The following RNF11 variants were observed in gnomAD, a reference collection of about 807,000 sequenced individuals.
RNF11 encodes the protein ring finger protein 11.
A neutral mutation model predicts 15.8 loss-of-function variants in RNF11; 4 were observed. The ratio of observed to expected loss-of-function variants is 0.25; its 90% CI spans 0.12 to 0.58. The LOEUF (loss-of-function observed/expected upper bound fraction) is 0.58, where lower values mean the gene tolerates loss of function less well. Among genes scored for constraint, RNF11 ranks in the 20% least tolerant of loss-of-function variants. The probability of loss-of-function intolerance (pLI) is 0.91; values close to 1 mark genes in which losing one functional copy is unlikely to be tolerated. For missense variants in RNF11, 139 were observed against 194.4 expected (o/e 0.71, Z 1.70); for synonymous variants, 68 against 72.3 (o/e 0.94, Z 0.30).
intron 1 of RNF11, among the ~76,000 whole-genome samples, chr1:51,241,337 G>T (rs908446660): frequency 6.6e-6 from 1 of 152,184 alleles, no homozygotes; most frequent in Admixed American, 6.5e-5. Flanking sequence ...ATTCACAGGT[G>T]CAATTATAGT....
At chr1:51,254,750 A>C (rs1275705598) in intron 1 of RNF11, among the ~76,000 whole-genome samples, 1 of 152,164 alleles carries the variant, frequency 6.6e-6, no homozygotes, top group African/African-American at 2.4e-5. Context: ...GGTATAAGCC[A>C]CTGCACCCGG....
At chr1:51,260,905 A>G (rs186742315) in intron 1 of RNF11, among the ~76,000 whole-genome samples, 151 of 152,320 alleles carry the variant, frequency 9.9e-4, no homozygotes, top group African/African-American at 3.3e-3. Context: ...TAGGTACTTT[A>G]TATTTTTTTA....
chr1:51,256,634 T>C lies in RNF11; in HGVS notation c.124-13322T>C, dbSNP rs78551979. Among the ~76,000 whole-genome samples the C allele has an allele frequency of 8.8e-3, 1,344 of 152,280 alleles. 14 individuals are homozygous for C. The highest frequency in any genetic ancestry group is 0.031 in the African/African-American group (1,288 of 41,550). ...AATATGTTTAGTTGTGTGAGAATTATCAAACTGTCACCCTAAGCATACCAT... is the reference window on the plus strand; with the variant it reads ...AATATGTTTAGTTGTGTGAGAATTACCAAACTGTCACCCTAAGCATACCAT... On this transcript the variant is annotated intron_variant, in intron 1 of 2. Transcript: ENST00000242719.
chr1:51,261,057 C>T (rs1181236190), intron 1 of RNF11, among the ~76,000 whole-genome samples: 1 of 152,066 alleles, frequency 6.6e-6, no homozygotes, highest in African/African-American at 2.4e-5. Flanking sequence ...TATACCTCAC[C>T]ACCTCCTCTG....
At chr1:51,252,813 G>GTGTGTA (rs1646886000) in intron 1 of RNF11, among the ~76,000 whole-genome samples, 1 of 150,780 alleles carries the variant, frequency 6.6e-6, no homozygotes. Context: ...GTTTGTGTGT[G>GTGTGTA]TGTGTGTGTG....
At chr1:51,238,458 G>A (rs961418431) in intron 1 of RNF11, among the ~76,000 whole-genome samples, 1 of 152,122 alleles carries the variant, frequency 6.6e-6, no homozygotes, top group Non-Finnish European at 1.5e-5. Flanking sequence ...GATAAATTAC[G>A]AGTAAAAGCC....
chr1:51,255,452 G>A (rs1646900293), intron 1 of RNF11, among the ~76,000 whole-genome samples: 1 of 152,168 alleles, frequency 6.6e-6, no homozygotes, highest in African/African-American at 2.4e-5. Flanking sequence ...CAGAGACAAG[G>A]TCTCACTCTT....
At chr1:51,237,442 G>GTATATA (rs66523963) in intron 1 of RNF11, among the ~76,000 whole-genome samples, 337 of 140,508 alleles carry the variant, frequency 2.4e-3, no homozygotes, top group African/African-American at 5.2e-3. Flanking sequence ...ATATATATGT[G>GTATATA]TATATATATA....
chr1:51,264,307 TATATATATATACACAC>T (rs1646945374), intron 1 of RNF11, among the ~76,000 whole-genome samples: 2 of 103,018 alleles, frequency 1.9e-5, no homozygotes, highest in Admixed American at 1.1e-4. Context: ...TATATATATA[TATATATATATACACAC>T]ACACACACAC....
At position 51,272,285 on chromosome 1, in the gene RNF11, T is replaced by C. The variant is rs1483060135; in HGVS notation, c.*963T>C. On this transcript the variant is annotated 3_prime_UTR_variant, in exon 3 of 3. Coordinates refer to ENST00000242719, the MANE Select transcript of RNF11 (RefSeq NM_014372.5). The stretch of plus-strand genomic sequence containing the variant: ...AAATTTTGATTTATTCTCTTTCTTC[T>C]GACCTCCTTGCCTCTTGTCTTGAAC... 6.5e-6 allele frequency: 1 copy of C among 152,680 alleles called. No homozygotes were observed. Among genetic ancestry groups the C allele is most frequent in the Non-Finnish European group, 1.5e-5 (1 of 68,036 alleles). The allele number at this position is 152,680 out of a possible 1,614,324, so 9.5% of individuals were successfully genotyped here.
intron 1 of RNF11, among the ~76,000 whole-genome samples, chr1:51,268,308 T>C (rs931999227): frequency 4.1e-4 from 63 of 152,348 alleles, no homozygotes; most frequent in African/African-American, 1.5e-3. Flanking sequence ...TCTATGGTTT[T>C]CTGAACCATG....
intron 1 of RNF11, among the ~76,000 whole-genome samples, chr1:51,261,188 A>C (rs578203491): frequency 8.5e-5 from 13 of 152,324 alleles, no homozygotes; most frequent in Non-Finnish European, 1.5e-4. Context: ...AGTAATCTTT[A>C]GATTGAGGAG....
In RNF11 at chr1:51,256,261, C is replaced by G. The variant is rs549879603; in HGVS notation, c.124-13695C>G. Among the ~76,000 whole-genome samples, 203 of 152,254 alleles carry G rather than the reference C, an allele frequency of 1.3e-3. No homozygotes were observed. In the Middle Eastern group the frequency reaches 0.014, roughly 10 times the overall value. On this transcript the variant is annotated intron_variant, in intron 1 of 2. Transcript: ENST00000242719. ...CAACACCTGACAACCACTGATGGTT[C>G]TATTGTCTCCATAGTTTTGCCATTT...
At chr1:51,269,043 G>T (rs1381063018) in intron 1 of RNF11, among the ~76,000 whole-genome samples, 2 of 152,208 alleles carry the variant, frequency 1.3e-5, no homozygotes, top group Non-Finnish European at 2.9e-5. Flanking sequence ...GACATTAAGA[G>T]ACTTGGTCCA....
intron 1 of RNF11, among the ~76,000 whole-genome samples, chr1:51,249,301 G>A (rs989528094): frequency 1.3e-5 from 2 of 152,120 alleles, no homozygotes; most frequent in Admixed American, 6.6e-5. Context: ...TAGGGCTCTC[G>A]CTGTGTTACC....
rs550027832 is a variant in RNF11, at chr1:51,236,783, C to T, written c.27C>T (p.Thr9=). Residue 9 remains threonine, a synonymous_variant, in exon 1 of 3, where the codon ACC becomes ACT. Coordinates refer to ENST00000242719, the MANE Select transcript of RNF11 (RefSeq NM_014372.5). The part of the protein sequence containing the change: MGNCLKSP[T]SDDISLLHES... ...TGGGGAACTGCCTCAAATCCCCCACCTCGGATGACATCTCCCTGCTTCACG... is the reference window on the plus strand; with the variant it reads ...TGGGGAACTGCCTCAAATCCCCCACTTCGGATGACATCTCCCTGCTTCACG... 2.3e-5 allele frequency: 37 copies of T among 1,613,626 alleles called. No homozygotes were observed. Among genetic ancestry groups the T allele is most frequent in the Non-Finnish European group, 3.1e-5 (36 of 1,179,776 alleles).
intron 1 of RNF11, chr1:51,265,936 C>G (rs1646952786): frequency 6.6e-6 from 1 of 152,118 alleles, no homozygotes; most frequent in African/African-American, 2.4e-5. Context: ...ACTGCAACCT[C>G]CGCCTCCCAG....
chr1:51,252,724 T>C (rs543624006), intron 1 of RNF11, among the ~76,000 whole-genome samples: 45 of 152,280 alleles, frequency 3.0e-4, no homozygotes, highest in Non-Finnish European at 1.5e-5. Context: ...ATTTGCATTT[T>C]CCCAGTGAGT....
intron 1 of RNF11, among the ~76,000 whole-genome samples, chr1:51,247,447 T>G (rs1293763447): frequency 6.9e-6 from 1 of 145,206 alleles, no homozygotes; most frequent in Non-Finnish European, 1.5e-5. Flanking sequence ...TGGTTTTTTG[T>G]TTTTTTGTTT....
Sources: gnomAD v4.1 joint callset for allele counts (sites outside exome capture counted in the v4.1 genomes callset) on GRCh38, gnomAD v4.1.1 for gene constraint, MANE v1.5 for transcripts, NCBI Gene and HGNC (gene_info 2026-07-23, HGNC 2026-07-21) for gene names.